Variants in CALU observed in about 807,000 individuals in gnomAD.
CALU encodes the protein calumenin.
Under a neutral mutation model 37.5 loss-of-function variants are expected in CALU, and 13 were observed. The ratio of observed to expected loss-of-function variants is 0.35; its 90% CI spans 0.23 to 0.55. The LOEUF (loss-of-function observed/expected upper bound fraction) is 0.55, where lower values mean the gene tolerates loss of function less well. Among genes scored for constraint, CALU ranks in the 20% least tolerant of loss-of-function variants. The pLI, the probability that CALU is intolerant of heterozygous loss-of-function variation, is 0.89. For missense variants in CALU, 282 were observed against 391.7 expected (o/e 0.72, Z 2.36); for synonymous variants, 114 against 133.8 (o/e 0.85, Z 1.02).
At chr7:128,750,088 C>A (rs61640318) in intron 2 of CALU, among the ~76,000 whole-genome samples, 3 of 151,724 alleles carry the variant, frequency 2.0e-5, no homozygotes, top group African/African-American at 7.3e-5. Flanking sequence ...ATTAGCCGGG[C>A]GTGGTGGCGC....
Position 128,773,279 on chromosome 7 carries a change from T to C in CALU, c.*4112T>C, listed in dbSNP as rs958218193. ...TTGAGAGGAATCTGAGTTTTTATTTTTATTTTTTTAATTTTATTTAAGTTC... is the reference window on the plus strand; with the variant it reads ...TTGAGAGGAATCTGAGTTTTTATTTCTATTTTTTTAATTTTATTTAAGTTC... On this transcript the variant is annotated 3_prime_UTR_variant, in exon 7 of 7. Coordinates refer to ENST00000249364, the MANE Select transcript of CALU (RefSeq NM_001219.5). 1.4e-4 allele frequency among the ~76,000 whole-genome samples: 21 copies of C among 152,354 alleles called. No homozygotes were observed. Among genetic ancestry groups the C allele is most frequent in the Admixed American group, 7.2e-4 (11 of 15,308 alleles).
At chr7:128,756,194 G>C (rs1195723615) in intron 3 of CALU, among the ~76,000 whole-genome samples, 1 of 152,196 alleles carries the variant, frequency 6.6e-6, no homozygotes, top group Non-Finnish European at 1.5e-5. Flanking sequence ...TAAATACAAA[G>C]CAAAGAGTAG....
intron 1 of CALU, 90 bp from the exon 2 acceptor site, chr7:128,748,483 A>T: frequency 8.3e-7 from 1 of 1,200,638 alleles, no homozygotes; most frequent in Non-Finnish European, 1.2e-6. Flanking sequence ...ATATCAAATT[A>T]ATAGTTTAAC....
chr7:128,742,820 A>G (rs1260090591), intron 1 of CALU, among the ~76,000 whole-genome samples: 1 of 152,198 alleles, frequency 6.6e-6, no homozygotes, highest in Non-Finnish European at 1.5e-5. Flanking sequence ...CGATTCATGA[A>G]AACAACTTTA....
chr7:128,763,971 A>G (rs556484373), intron 5 of CALU, among the ~76,000 whole-genome samples: 68 of 152,364 alleles, frequency 4.5e-4, no homozygotes, highest in African/African-American at 1.6e-3. Context: ...CATACCTTAC[A>G]TGCAATGCAG....
intron 5 of CALU, among the ~76,000 whole-genome samples, chr7:128,764,886 C>A (rs1037413995): frequency 6.6e-6 from 1 of 152,100 alleles, no homozygotes; most frequent in Non-Finnish European, 1.5e-5. Flanking sequence ...AAACTGTTAA[C>A]CAACTTGGAC....
intron 3 of CALU, among the ~76,000 whole-genome samples, chr7:128,756,410 G>A (rs901455567): frequency 6.6e-6 from 1 of 152,208 alleles, no homozygotes; most frequent in East Asian, 1.9e-4. Context: ...GCACTGGCTG[G>A]GAAGCAATGT....
At chr7:128,758,039 G>A (rs1336908207) in intron 3 of CALU, among the ~76,000 whole-genome samples, 4 of 151,904 alleles carry the variant, frequency 2.6e-5, no homozygotes, top group Non-Finnish European at 5.9e-5. Flanking sequence ...TCACGATAAT[G>A]AGCATATCCA....
intron 1 of CALU, among the ~76,000 whole-genome samples, chr7:128,739,895 G>T (rs1220772313): frequency 1.3e-5 from 2 of 152,150 alleles, no homozygotes; most frequent in African/African-American, 4.8e-5. Flanking sequence ...CGACAGTAGG[G>T]TGCATCTGCC....
At position 128,754,447 on chromosome 7, in the gene CALU, A is replaced by G; in HGVS notation, c.407A>G (p.Tyr136Cys). The G allele has an allele frequency of 6.2e-7, 1 of 1,613,038 alleles. No homozygotes were observed. The highest frequency in any genetic ancestry group is 8.5e-7 in the Non-Finnish European group (1 of 1,179,540). Residue 136 changes from tyrosine (Y) to cysteine (C), a missense_variant, in exon 3 of 7, where the codon TAC becomes TGC. Physicochemically the swap from Tyr to Cys is radical, Grantham distance 194. Transcript: ENST00000249364. The part of the protein sequence containing the change: ...WEEYKNATYG[Y>C]VLDDPDPDDG... ...GAGTATAAAAATGCCACCTACGGCT[A>G]CGTTTTAGGTAGGTCCCTACTGTCT...
rs1425470270 is a variant in CALU, at chr7:128,767,614, G to T, written c.802G>T (p.Ala268Ser). 3.1e-6 allele frequency: 5 copies of T among 1,614,176 alleles called. No individual in the cohort carries two copies. In the South Asian group the frequency reaches 5.5e-5, roughly 18 times the overall value. ...ILPSDYDHAE[A>S]EARHLVYESD... ...TCCCTCAGACTATGATCATGCAGAG[G>T]CAGAAGCCAGGCACCTGGTCTATGA... is the stretch of plus-strand genomic sequence containing the variant. Residue 268 changes from alanine to serine, a missense_variant, in exon 6 of 7, where the codon GCA becomes TCA. Transcript: ENST00000249364.
chr7:128,739,820 A>T (rs1273257020), intron 1 of CALU, among the ~76,000 whole-genome samples: 1 of 151,980 alleles, frequency 6.6e-6, no homozygotes, highest in Non-Finnish European at 1.5e-5. Context: ...TTATTGTAAG[A>T]GTTCCTTGCC....
chr7:128,749,040 A>G (rs1191824632), intron 2 of CALU, among the ~76,000 whole-genome samples: 1 of 152,258 alleles, frequency 6.6e-6, no homozygotes, highest in Non-Finnish European at 1.5e-5. Context: ...GCATAAAAGT[A>G]CCAAGTACTG....
chr7:128,754,583 G>A (rs1800798154), intron 3 of CALU, 128 bp downstream of exon 3: 11 of 1,552,164 alleles, frequency 7.1e-6, no homozygotes, highest in Non-Finnish European at 9.6e-6. Flanking sequence ...CGGAGGGGGA[G>A]CTGAAATCCT....
intron 5 of CALU, among the ~76,000 whole-genome samples, chr7:128,761,148 T>G (rs886811062): frequency 5.9e-5 from 9 of 152,208 alleles, no homozygotes; most frequent in Non-Finnish European, 1.0e-4. Context: ...TGTCTAAATT[T>G]TTTTAAAAAA....
chr7:128,745,106 G>A (rs992520706), intron 1 of CALU, among the ~76,000 whole-genome samples: 8 of 152,020 alleles, frequency 5.3e-5, no homozygotes, highest in African/African-American at 1.9e-4. Flanking sequence ...GAATTGTTAG[G>A]GTATTATGCT....
rs371951569 is a variant in CALU at position 128,759,834 on chromosome 7, G to A, written c.625G>A (p.Asp209Asn). Reference protein sequence around the residue: ...DIDKNADGFIDLEEYIGDMYS... With the variant: ...DIDKNADGFINLEEYIGDMYS... The stretch of plus-strand genomic sequence containing the variant: ...AGATAAGAATGCTGATGGTTTCATT[G>A]ATCTAGAAGAGTATATTGGTAAGTC... The change falls in exon 5 of 7, where the codon GAT becomes AAT. Residue 209 changes from aspartate to asparagine, a missense_variant. By Grantham distance (23) the Asp-to-Asn change is conservative (BLOSUM62 1). Coordinates refer to ENST00000249364, the MANE Select transcript of CALU (RefSeq NM_001219.5). 2 of 1,392,084 alleles carry A rather than the reference G, an allele frequency of 1.4e-6. No homozygotes were observed. The highest frequency in any genetic ancestry group is 1.4e-5 in the African/African-American group (1 of 70,816). The allele number at this position is 1,392,084 out of a possible 1,614,324, so 86.2% of individuals were successfully genotyped here. A position where few individuals can be genotyped will look rare whatever the true frequency, so the allele number is the denominator to read the frequency against.
At position 128,769,218 on chromosome 7, in the gene CALU, T is replaced by A; in HGVS notation, c.*51T>A. 1.1e-6 allele frequency: 1 copy of A among 951,458 alleles called. No individual in the cohort carries two copies. Among genetic ancestry groups the A allele is most frequent in the Non-Finnish European group, 1.6e-6 (1 of 607,862 alleles). The allele number at this position is 951,458 out of a possible 1,614,324, so 58.9% of individuals were successfully genotyped here. On this transcript the variant is annotated 3_prime_UTR_variant, in exon 7 of 7. Transcript: ENST00000249364. The stretch of plus-strand genomic sequence containing the variant: ...AAAAGTAATTTATTTTTACAGCTTC[T>A]GGTTTCACATGAAATTGTTTGCGCT...
chr7:128,760,409 A>T (rs1184773482), intron 5 of CALU, among the ~76,000 whole-genome samples: 1 of 152,212 alleles, frequency 6.6e-6, no homozygotes, highest in Non-Finnish European at 1.5e-5. Context: ...TTAAAAAGTA[A>T]AAAGAAACAG....
Sources: gnomAD v4.1 joint callset for allele counts (sites outside exome capture counted in the v4.1 genomes callset) on GRCh38, gnomAD v4.1.1 for gene constraint, MANE v1.5 for transcripts, NCBI Gene and HGNC (gene_info 2026-07-23, HGNC 2026-07-21) for gene names.